The following FAM107B variants were observed in gnomAD, a reference collection of about 807,000 sequenced individuals.
FAM107B encodes family with sequence similarity 107 member B.
Under a neutral mutation model 31.5 loss-of-function variants are expected in FAM107B, and 21 were observed. The ratio of observed to expected loss-of-function variants is 0.67; its 90% CI spans 0.47 to 0.96. The LOEUF (loss-of-function observed/expected upper bound fraction) is 0.96. Among genes scored for constraint, FAM107B ranks in the 40% least tolerant of loss-of-function variants. The pLI is 0.00. For synonymous variants in FAM107B, 157 were observed against 141.5 expected (o/e 1.11, Z -0.78); for missense variants, 452 against 377.1 (o/e 1.20, Z -1.64).
chr10:14,533,249 G>C (rs1345174939), intron 2 of FAM107B, among the ~76,000 whole-genome samples: 4 of 152,170 alleles, frequency 2.6e-5, no homozygotes, highest in African/African-American at 9.7e-5. Flanking sequence ...CAGCAGCATA[G>C]GTAGGCGGAG....
chr10:14,647,036 C>T (rs1194207279), intron 2 of FAM107B, among the ~76,000 whole-genome samples: 10 of 151,952 alleles, frequency 6.6e-5, no homozygotes, highest in Non-Finnish European at 1.3e-4. Flanking sequence ...CCTCGTGATC[C>T]GCCTGCCTCG....
intron 1 of FAM107B, among the ~76,000 whole-genome samples, chr10:14,707,204 C>G (rs768780895): frequency 2.6e-5 from 4 of 152,026 alleles, no homozygotes; most frequent in Non-Finnish European, 4.4e-5. Context: ...GTAAATTTCA[C>G]GTTATGTGTA....
chr10:14,609,174 T>A (rs1346086817), intron 2 of FAM107B, among the ~76,000 whole-genome samples: 1 of 152,250 alleles, frequency 6.6e-6, no homozygotes, highest in Middle Eastern at 3.2e-3. Context: ...TGCATTGGGT[T>A]CTAAATCAGT....
At chr10:14,625,549 C>A (rs1309558121) in intron 2 of FAM107B, among the ~76,000 whole-genome samples, 1 of 152,122 alleles carries the variant, frequency 6.6e-6, no homozygotes, top group Non-Finnish European at 1.5e-5. Flanking sequence ...CAGGAGGGCC[C>A]AGCTCTGCCT....
intron 1 of FAM107B, among the ~76,000 whole-genome samples, chr10:14,745,089 G>A (rs1016112607): frequency 5.9e-5 from 9 of 152,092 alleles, no homozygotes; most frequent in East Asian, 1.9e-4. Flanking sequence ...CAGTTCATTC[G>A]CATAGAGGTG....
At chr10:14,656,799 T>C (rs928252873) in intron 2 of FAM107B, among the ~76,000 whole-genome samples, 1 of 152,038 alleles carries the variant, frequency 6.6e-6, no homozygotes, top group African/African-American at 2.4e-5. Flanking sequence ...CACAAAAAAT[T>C]AGGCAATTCT....
Position 14,592,573 on chromosome 10 carries a change from G to A in FAM107B, c.470-62058C>T, listed in dbSNP as rs552536645. Among the ~76,000 whole-genome samples the A allele has an allele frequency of 1.3e-4, 20 of 152,250 alleles. No individual in the cohort carries two copies. The South Asian group carries it at 2.3e-3, about 17-fold the overall frequency. ...GTTTTGTAGTTTGGCTTTGTTTTTC[G>A]TGTATCTTTTTAAAAATATATAATT... is the stretch of plus-strand genomic sequence containing the variant. On this transcript the variant is annotated intron_variant, in intron 2 of 4. Transcript: ENST00000181796.
chr10:14,581,143 T>C (rs1851621671), intron 2 of FAM107B, among the ~76,000 whole-genome samples: 1 of 152,082 alleles, frequency 6.6e-6, no homozygotes, highest in Non-Finnish European at 1.5e-5. Context: ...ATATCTGCAA[T>C]CGGTCTGGTG....
chr10:14,538,222 CAT>C (rs1235394468), intron 2 of FAM107B, among the ~76,000 whole-genome samples: 4 of 152,322 alleles, frequency 2.6e-5, no homozygotes, highest in African/African-American at 7.2e-5. Context: ...GCAGGAAAGA[CAT>C]ATTTCATTAA....
intron 1 of FAM107B, among the ~76,000 whole-genome samples, chr10:14,717,560 A>G (rs779867499): frequency 8.5e-5 from 13 of 152,158 alleles, no homozygotes; most frequent in Non-Finnish European, 1.8e-4. Flanking sequence ...GGGCAAGAGG[A>G]GGGGAAGCAA....
At chr10:14,652,140 T>C (rs980112117) in intron 2 of FAM107B, among the ~76,000 whole-genome samples, 3 of 80,446 alleles carry the variant, frequency 3.7e-5, no homozygotes, top group African/African-American at 9.5e-5. Context: ...AACATAGATA[T>C]TCAACTTCAA....
intron 3 of FAM107B, chr10:14,530,116 T>G (rs1846791823): frequency 5.8e-6 from 3 of 515,594 alleles, no homozygotes; most frequent in Non-Finnish European, 1.1e-5. Flanking sequence ...TGCAGGAGTC[T>G]GGAAGCACTG....
chr10:14,710,283 C>CA (rs1588721063), intron 1 of FAM107B, among the ~76,000 whole-genome samples: 2 of 152,072 alleles, frequency 1.3e-5, no homozygotes, highest in East Asian at 3.9e-4. Context: ...TCCATCTCTA[C>CA]AAAAAATGAA....
intron 2 of FAM107B, among the ~76,000 whole-genome samples, chr10:14,618,553 C>T (rs756651107): frequency 5.9e-5 from 9 of 152,046 alleles, no homozygotes; most frequent in East Asian, 3.9e-4. Context: ...TAAGTCATTA[C>T]GGGCCGGGCT....
At chr10:14,623,216 G>T (rs1026288634) in intron 2 of FAM107B, among the ~76,000 whole-genome samples, 2 of 152,042 alleles carry the variant, frequency 1.3e-5, no homozygotes, top group African/African-American at 4.8e-5. Flanking sequence ...GCACAACAAC[G>T]CAATAAAGCA....
At chr10:14,706,111 T>A (rs1320015789) in intron 1 of FAM107B, among the ~76,000 whole-genome samples, 1 of 152,232 alleles carries the variant, frequency 6.6e-6, no homozygotes, top group Non-Finnish European at 1.5e-5. Flanking sequence ...TCTTTCCTGA[T>A]AAGCAACTGC....
chr10:14,590,746 G>A (rs991844921), intron 2 of FAM107B, among the ~76,000 whole-genome samples: 1 of 151,676 alleles, frequency 6.6e-6, no homozygotes, highest in Non-Finnish European at 1.5e-5. Context: ...CTTTGGGAGG[G>A]TGAGGCAGGC....
At chr10:14,733,477 A>C (rs922933846) in intron 1 of FAM107B, among the ~76,000 whole-genome samples, 1 of 152,216 alleles carries the variant, frequency 6.6e-6, no homozygotes, top group Non-Finnish European at 1.5e-5. Context: ...CCATGATGAT[A>C]AACTAGTTCC....
intron 2 of FAM107B, among the ~76,000 whole-genome samples, chr10:14,616,877 C>G (rs1852866009): frequency 6.6e-6 from 1 of 151,928 alleles, no homozygotes; most frequent in African/African-American, 2.4e-5. Context: ...CATGATTGTG[C>G]CGCTGTACTC....
Sources: allele counts gnomAD v4.1 joint callset (sites outside exome capture counted in the v4.1 genomes callset), GRCh38; gene constraint gnomAD v4.1.1; transcripts MANE v1.5; gene names NCBI Gene and HGNC (gene_info 2026-07-23, HGNC 2026-07-21).